HPCAL1: variants seen among roughly 807,000 people sequenced by gnomAD.
The protein encoded by HPCAL1 is hippocalcin-like protein 1.
Under a neutral mutation model 17.1 loss-of-function variants are expected in HPCAL1, and 8 were observed. The ratio of observed to expected loss-of-function variants is 0.47; its 90% CI spans 0.27 to 0.84. The LOEUF is 0.84. Among genes scored for constraint, HPCAL1 ranks in the 40% least tolerant of loss-of-function variants. The pLI is 0.13. For synonymous variants in HPCAL1, 112 were observed against 111.4 expected (o/e 1.01, Z -0.03); for missense variants, 165 against 271.1 (o/e 0.61, Z 2.75).
At chr2:10,356,702 C>T (rs549335324) in intron 1 of HPCAL1, among the ~76,000 whole-genome samples, 1 of 152,156 alleles carries the variant, frequency 6.6e-6, no homozygotes, top group Non-Finnish European at 1.5e-5. Context: ...GTGTGTAAGT[C>T]AGGGAGGCAG....
At position 10,304,463 on chromosome 2, in the gene HPCAL1, C is replaced by T. The variant is rs144354708; in HGVS notation, c.-111+1286C>T. ...TTGCCAGGGACGCCGAGTCCAGCTGCTGGCCTCGGCATTAGACAACCCCCA... is the reference window on the plus strand; with the variant it reads ...TTGCCAGGGACGCCGAGTCCAGCTGTTGGCCTCGGCATTAGACAACCCCCA... On this transcript the variant is annotated intron_variant, in intron 1 of 4. Coordinates refer to ENST00000307845, the MANE Select transcript of HPCAL1 (RefSeq NM_002149.4). This position sits in a 1 kb window ranked among gnomAD's most constrained non-coding sequence, Gnocchi z 4.1. Among the ~76,000 whole-genome samples the T allele has an allele frequency of 1.2e-3, 184 of 151,982 alleles. 2 individuals are homozygous for T. Among genetic ancestry groups the T allele is most frequent in the African/African-American group, 3.7e-3 (155 of 41,438 alleles).
intron 1 of HPCAL1, among the ~76,000 whole-genome samples, chr2:10,381,651 T>G (rs1458942995): frequency 6.6e-6 from 1 of 152,170 alleles, no homozygotes; most frequent in Non-Finnish European, 1.5e-5. Context: ...TGGTTCACAG[T>G]AAAGATTGGT....
chr2:10,334,773 C>T (rs115190434), intron 1 of HPCAL1, among the ~76,000 whole-genome samples: 9,156 of 151,292 alleles, frequency 0.061, 783 homozygotes, highest in African/African-American at 0.19. Context: ...GCAACTTCCA[C>T]CTCCCAGGCT....
intron 2 of HPCAL1, among the ~76,000 whole-genome samples, chr2:10,398,630 CGCA>C: frequency 6.6e-6 from 1 of 152,256 alleles, no homozygotes; most frequent in Admixed American, 6.5e-5. Context: ...CACCAACGCA[CGCA>C]CGTGGTGTTT....
At chr2:10,388,342 G>A (rs936831192) in intron 1 of HPCAL1, among the ~76,000 whole-genome samples, 1 of 152,226 alleles carries the variant, frequency 6.6e-6, no homozygotes, top group African/African-American at 2.4e-5. Context: ...GAAGGTCAGT[G>A]GCATCTGGGA....
chr2:10,383,877 A>T (rs1383993807), intron 1 of HPCAL1, among the ~76,000 whole-genome samples: 1 of 152,026 alleles, frequency 6.6e-6, no homozygotes, highest in Non-Finnish European at 1.5e-5. Flanking sequence ...AGATGCTGGT[A>T]GGCATGTCCC....
At chr2:10,341,414 G>T (rs1665071148) in intron 1 of HPCAL1, among the ~76,000 whole-genome samples, 1 of 152,150 alleles carries the variant, frequency 6.6e-6, no homozygotes, top group Non-Finnish European at 1.5e-5. Flanking sequence ...TTGCGCCACT[G>T]CACTCCAGCC....
At chr2:10,398,547 G>C (rs919354101) in intron 2 of HPCAL1, among the ~76,000 whole-genome samples, 1 of 152,282 alleles carries the variant, frequency 6.6e-6, no homozygotes, top group Admixed American at 6.5e-5. Context: ...TGTGGCCCTG[G>C]TAGATGTGAG....
intron 2 of HPCAL1, among the ~76,000 whole-genome samples, chr2:10,409,813 A>C (rs1353563865): frequency 8.9e-6 from 1 of 112,612 alleles, no homozygotes; most frequent in Admixed American, 1.2e-4. Flanking sequence ...TTTTTGAGAC[A>C]GAGTCTCGCT....
At chr2:10,307,334 C>G (rs1662689975) in intron 1 of HPCAL1, among the ~76,000 whole-genome samples, 2 of 152,146 alleles carry the variant, frequency 1.3e-5, no homozygotes, top group African/African-American at 4.8e-5. Flanking sequence ...GCTCTGTGTC[C>G]CCTTAGGCAA....
intron 1 of HPCAL1, among the ~76,000 whole-genome samples, chr2:10,314,721 G>A (rs1663198587): frequency 1.3e-5 from 2 of 152,200 alleles, no homozygotes; most frequent in Admixed American, 1.3e-4. Flanking sequence ...GTGAATTAGA[G>A]AAAAGTCAGA....
intron 1 of HPCAL1, among the ~76,000 whole-genome samples, chr2:10,306,395 C>G (rs1240880295): frequency 2.6e-5 from 4 of 152,138 alleles, no homozygotes; most frequent in African/African-American, 9.7e-5. Context: ...TTTAATCACA[C>G]TCTACTTTGG....
At chr2:10,383,870 T>C (rs1668130502) in intron 1 of HPCAL1, among the ~76,000 whole-genome samples, 2 of 151,988 alleles carry the variant, frequency 1.3e-5, no homozygotes, top group Non-Finnish European at 2.9e-5. Context: ...ACCCATAAGA[T>C]GCTGGTAGGC....
chr2:10,347,109 C>T (rs1219902346), intron 1 of HPCAL1, among the ~76,000 whole-genome samples: 1 of 152,130 alleles, frequency 6.6e-6, no homozygotes, highest in African/African-American at 2.4e-5. Flanking sequence ...CGCACCGCCC[C>T]CGCCCCCCGC....
At chr2:10,357,680 G>T (rs955042578) in intron 1 of HPCAL1, among the ~76,000 whole-genome samples, 1 of 152,204 alleles carries the variant, frequency 6.6e-6, no homozygotes, top group Admixed American at 6.5e-5. Flanking sequence ...TGAGGTGTTT[G>T]TAGAACAGTT....
intron 1 of HPCAL1, among the ~76,000 whole-genome samples, chr2:10,348,727 T>C (rs1665633363): frequency 6.6e-6 from 1 of 151,344 alleles, no homozygotes; most frequent in South Asian, 2.1e-4. Context: ...TGCAATGGGC[T>C]CTGATCCCAC....
intron 1 of HPCAL1, among the ~76,000 whole-genome samples, chr2:10,335,739 A>G (rs1013982382): frequency 3.9e-5 from 6 of 152,214 alleles, no homozygotes; most frequent in African/African-American, 1.4e-4. Flanking sequence ...ACTCCCCTCT[A>G]CAAGGGTCAG....
chr2:10,407,911 T>C (rs12472775), intron 2 of HPCAL1, among the ~76,000 whole-genome samples: 1 of 152,206 alleles, frequency 6.6e-6, no homozygotes, highest in East Asian at 1.9e-4. Context: ...AAAACGCTGT[T>C]AGAATTCAAA....
chr2:10,411,349 C>G (rs1158717126), intron 2 of HPCAL1, among the ~76,000 whole-genome samples: 2 of 152,214 alleles, frequency 1.3e-5, no homozygotes, highest in East Asian at 1.9e-4. Context: ...GCCTCGGTCC[C>G]TTGTCCCTAA....
Sources: allele counts gnomAD v4.1 joint callset (sites outside exome capture counted in the v4.1 genomes callset), GRCh38; gene constraint gnomAD v4.1.1; non-coding constraint Gnocchi (gnomAD v3.1); transcripts MANE v1.5; gene names NCBI Gene and HGNC (gene_info 2026-07-23, HGNC 2026-07-21).